Variants in LARP1B observed in about 807,000 individuals in gnomAD.
The protein encoded by LARP1B is La ribonucleoprotein 1B, also known as la-related protein 1B.
In LARP1B, 76 loss-of-function variants were observed where a neutral mutation model predicts 114.2. That is an observed-to-expected ratio of 0.67 (90% confidence interval 0.55 to 0.81). LARP1B has a LOEUF of 0.81. Among genes scored for constraint, LARP1B ranks in the 30% least tolerant of loss-of-function variants. The pLI is 0.00. For missense variants in LARP1B, 1,014 were observed against 1,075.8 expected, an observed-to-expected ratio of 0.94 and a Z score of 0.80; for synonymous variants, 345 against 348.0, an observed-to-expected ratio of 0.99 and a Z score of 0.10.
chr4:128,155,500 G>A, intron 11 of LARP1B: 6 of 789,932 alleles, frequency 7.6e-6, no homozygotes, highest in South Asian at 6.7e-5. Flanking sequence ...GTTCCACCTC[G>A]TGCCAAGGAT....
Position 128,176,865 on chromosome 4 carries a change from T to C in LARP1B, c.1649-7T>C. The C allele has an allele frequency of 6.2e-7, 1 of 1,613,476 alleles. No homozygotes were observed. The highest frequency in any genetic ancestry group is 8.5e-7 in the Non-Finnish European group (1 of 1,179,460). ...CACAAAAAGGGACTAATTAACTCTC[T>C]TGGCAGGAGGTGTTCAAGGAGTGCT... On this transcript the variant is annotated splice_region_variant and splice_polypyrimidine_tract_variant and intron_variant, in intron 12 of 19. Transcript: ENST00000326639.
At chr4:128,072,713 C>T (rs961526684) in intron 1 of LARP1B, among the ~76,000 whole-genome samples, 4 of 152,050 alleles carry the variant, frequency 2.6e-5, no homozygotes, top group African/African-American at 9.7e-5. Context: ...TGCGCCACCA[C>T]ACCTGGTTAA....
intron 9 of LARP1B, chr4:128,108,453 G>A: frequency 1.0e-6 from 1 of 985,602 alleles, no homozygotes; most frequent in Non-Finnish European, 1.2e-6. Context: ...AACTGGATGA[G>A]GTTATTTCTT....
At chr4:128,081,532 A>T (rs1561099581) in intron 4 of LARP1B, among the ~76,000 whole-genome samples, 1 of 152,024 alleles carries the variant, frequency 6.6e-6, no homozygotes, top group Non-Finnish European at 1.5e-5. Flanking sequence ...GTCCAATGTG[A>T]TGTAAGGAGT....
chr4:128,200,240 T>C (rs1755532706), intron 16 of LARP1B, among the ~76,000 whole-genome samples: 1 of 152,152 alleles, frequency 6.6e-6, no homozygotes, highest in Admixed American at 6.5e-5. Flanking sequence ...GGAAGACAAT[T>C]TTTCCATGGG....
chr4:128,176,989 A>G, intron 13 of LARP1B, 82 bp downstream of exon 13: 6 of 1,201,622 alleles, frequency 5.0e-6, no homozygotes, highest in Admixed American at 1.7e-5. Flanking sequence ...AGGGACTTTC[A>G]GACAGAAGAA....
intron 12 of LARP1B, among the ~76,000 whole-genome samples, chr4:128,171,519 T>TTTAAG (rs1325078670): frequency 6.6e-6 from 1 of 152,200 alleles, no homozygotes; most frequent in Non-Finnish European, 1.5e-5. Flanking sequence ...TCAAGCGTGT[T>TTTAAG]TTACTTTCAA....
At chr4:128,170,285 A>C (rs1472501801) in intron 12 of LARP1B, among the ~76,000 whole-genome samples, 1 of 152,182 alleles carries the variant, frequency 6.6e-6, no homozygotes, top group East Asian at 1.9e-4. Context: ...AATATGCCAT[A>C]TGCATCTGAG....
chr4:128,186,299 C>T lies in LARP1B; in HGVS notation c.2003+6787C>T, dbSNP rs550904724. Among the ~76,000 whole-genome samples the T allele has an allele frequency of 5.9e-5, 9 of 152,236 alleles. No individual in the cohort carries two copies. The South Asian group carries it at 1.9e-3, about 32-fold the overall frequency. The stretch of plus-strand genomic sequence containing the variant: ...AATGTTAATTTTTCCAATCCATGAG[C>T]ATGTGCTATCATTCCCTTTCTTTCG... On this transcript the variant is annotated intron_variant, in intron 15 of 19. Coordinates refer to ENST00000326639, the MANE Select transcript of LARP1B (RefSeq NM_018078.4).
At chr4:128,160,522 T>TG (rs1737974865) in intron 11 of LARP1B, among the ~76,000 whole-genome samples, 2 of 150,736 alleles carry the variant, frequency 1.3e-5, no homozygotes, top group Non-Finnish European at 3.0e-5. Flanking sequence ...TGTACACTTC[T>TG]TGTGTGTGTG....
chr4:128,143,850 A>G (rs72924405), intron 11 of LARP1B, among the ~76,000 whole-genome samples: 4,425 of 124,178 alleles, frequency 0.036, 226 homozygotes, highest in African/African-American at 0.11. Context: ...AAGAGTGAAA[A>G]GTACTAGAAC....
intron 11 of LARP1B, 84 bp from the exon 12 acceptor site, chr4:128,162,110 A>AT (rs1561456036): frequency 7.6e-7 from 1 of 1,317,954 alleles, no homozygotes; most frequent in Non-Finnish European, 1.1e-6. Context: ...TTAGAAGTTC[A>AT]TTTTTTTGAG....
chr4:128,108,666 A>AT (rs1474688893), intron 9 of LARP1B: 2 of 984,474 alleles, frequency 2.0e-6, no homozygotes, highest in African/African-American at 1.7e-5. Flanking sequence ...TTTTTAATTT[A>AT]TTTTTTGTTA....
intron 9 of LARP1B, chr4:128,107,573 T>C (rs1782541134): frequency 6.6e-6 from 9 of 1,372,748 alleles, no homozygotes; most frequent in Admixed American, 3.2e-5. Context: ...ATGGAGTTTC[T>C]ATCTTTTATT....
rs149932242 is a variant in LARP1B at position 128,200,571 on chromosome 4, C to T, written c.2215C>T (p.Arg739Cys). 2.8e-5 allele frequency: 44 copies of T among 1,592,382 alleles called. No individual in the cohort carries two copies. The highest frequency in any genetic ancestry group is 4.5e-5 in the East Asian group (2 of 44,102). The stretch of plus-strand genomic sequence containing the variant: ...GTCCCAAGAAATGAATACCCTCTTT[C>T]GTTTCTGGTCCTTTTTCCTCAGAGA... ...GQSQEMNTLFRFWSFFLRDHF... is the reference protein window; with the variant it reads ...GQSQEMNTLFCFWSFFLRDHF... The change falls in exon 17 of 20, where the codon CGT becomes TGT. Residue 739 changes from arginine (R) to cysteine (C), a missense_variant. Physicochemically the swap from Arg to Cys is radical, Grantham distance 180. Transcript: ENST00000326639.
intron 8 of LARP1B, among the ~76,000 whole-genome samples, chr4:128,099,367 A>G (rs996210215): frequency 6.7e-6 from 1 of 149,676 alleles, no homozygotes; most frequent in African/African-American, 2.5e-5. Context: ...GGCTCACTGC[A>G]ACTTCTGCCT....
At chr4:128,095,684 G>C (rs1440734671) in intron 7 of LARP1B, among the ~76,000 whole-genome samples, 1 of 151,884 alleles carries the variant, frequency 6.6e-6, no homozygotes, top group African/African-American at 2.4e-5. Flanking sequence ...AAAGGTAGCT[G>C]AAAACAAGTT....
intron 14 of LARP1B, 54 bp from the exon 15 acceptor site, chr4:128,179,352 T>C (rs1747546132): frequency 4.6e-6 from 5 of 1,090,266 alleles, no homozygotes; most frequent in Non-Finnish European, 5.4e-6. Flanking sequence ...TTAATTTACT[T>C]GTGAAGTTCA....
At chr4:128,182,317 C>T (rs1378547301) in intron 15 of LARP1B, among the ~76,000 whole-genome samples, 1 of 151,918 alleles carries the variant, frequency 6.6e-6, no homozygotes, top group African/African-American at 2.4e-5. Context: ...TCTCTGCTGT[C>T]TGGGCTGGTC....
Sources: gnomAD v4.1 joint callset for allele counts (sites outside exome capture counted in the v4.1 genomes callset) on GRCh38, gnomAD v4.1.1 for gene constraint, MANE v1.5 for transcripts, NCBI Gene and HGNC (gene_info 2026-07-23, HGNC 2026-07-21) for gene names.